Variants in PTPRN2 observed in about 807,000 individuals in gnomAD.
The protein encoded by PTPRN2 is receptor-type tyrosine-protein phosphatase N2.
In PTPRN2, 74 loss-of-function variants were observed where a neutral mutation model predicts 118.8. That is an observed-to-expected ratio of 0.62 (90% confidence interval 0.52 to 0.76). PTPRN2 has a LOEUF of 0.76. PTPRN2 is among the 30% of genes least tolerant of loss of function. PTPRN2 has a pLI of 0.00. For missense variants in PTPRN2, 1,481 were observed against 1,394.4 expected (o/e 1.06, Z -0.99); for synonymous variants, 641 against 608.0 (o/e 1.05, Z -0.80).
intron 2 of PTPRN2, among the ~76,000 whole-genome samples, chr7:158,336,963 T>A (rs1805694821): frequency 4.0e-5 from 1 of 24,958 alleles, no homozygotes; most frequent in African/African-American, 7.2e-5. Flanking sequence ...ACTCACACTC[T>A]CACCATAAGA....
At chr7:158,487,889 T>C (rs1178020067) in intron 2 of PTPRN2, among the ~76,000 whole-genome samples, 1 of 152,182 alleles carries the variant, frequency 6.6e-6, no homozygotes, top group Non-Finnish European at 1.5e-5. Flanking sequence ...AAATATCATC[T>C]GTTTCTACAA....
chr7:157,972,087 A>T (rs776914164), intron 11 of PTPRN2, among the ~76,000 whole-genome samples: 10 of 152,218 alleles, frequency 6.6e-5, no homozygotes, highest in Non-Finnish European at 1.5e-4. Flanking sequence ...TCAGCAGCAG[A>T]ATTTTTCTCC....
chr7:158,552,255 T>C (rs567798870), intron 1 of PTPRN2, among the ~76,000 whole-genome samples: 2 of 151,064 alleles, frequency 1.3e-5, no homozygotes, highest in Non-Finnish European at 3.0e-5. Flanking sequence ...ACCCATTGCA[T>C]CAAGGTGGGT....
intron 11 of PTPRN2, among the ~76,000 whole-genome samples, chr7:158,010,896 C>A (rs906770489): frequency 3.3e-5 from 5 of 152,246 alleles, no homozygotes; most frequent in African/African-American, 4.8e-5. Context: ...CTGCTCCCCC[C>A]ACTCCAGATG....
chr7:158,235,994 A>C (rs1829509267), intron 3 of PTPRN2, among the ~76,000 whole-genome samples: 1 of 152,152 alleles, frequency 6.6e-6, no homozygotes. Flanking sequence ...TTAGCATTCT[A>C]GGACACGGAG....
intron 21 of PTPRN2, among the ~76,000 whole-genome samples, chr7:157,561,453 G>A (rs931670414): frequency 3.9e-5 from 6 of 152,228 alleles, no homozygotes; most frequent in Non-Finnish European, 7.3e-5. Flanking sequence ...TCTGTCCCTG[G>A]AGCCCTGGAA....
chr7:158,496,345 C>A (rs866892484), intron 1 of PTPRN2, among the ~76,000 whole-genome samples: 1 of 80,752 alleles, frequency 1.2e-5, no homozygotes, highest in Admixed American at 1.3e-4. Context: ...CTTCCCTGTG[C>A]CCCCTTCCCT....
chr7:158,223,819 A>G (rs1183393511), intron 3 of PTPRN2, among the ~76,000 whole-genome samples: 1 of 152,086 alleles, frequency 6.6e-6, no homozygotes, highest in African/African-American at 2.4e-5. Flanking sequence ...CCAGTGCAAT[A>G]GGGCAAGATA....
chr7:157,767,613 C>T (rs889220710), intron 12 of PTPRN2, among the ~76,000 whole-genome samples: 4 of 152,230 alleles, frequency 2.6e-5, no homozygotes, highest in Non-Finnish European at 2.9e-5. Flanking sequence ...CCAGGGCGAC[C>T]GCTCTTTCAC....
chr7:157,658,922 C>G (rs1018599954), intron 13 of PTPRN2, among the ~76,000 whole-genome samples: 1 of 152,252 alleles, frequency 6.6e-6, no homozygotes, highest in Admixed American at 6.5e-5. Flanking sequence ...TCGCTCCCCA[C>G]AGCCGTGTGC....
chr7:158,053,702 C>T (rs986621258), intron 11 of PTPRN2, among the ~76,000 whole-genome samples: 2 of 149,300 alleles, frequency 1.3e-5, no homozygotes, highest in Middle Eastern at 3.4e-3. Context: ...ATGCAGAGAC[C>T]CCAGAGATGC....
chr7:157,947,194 A>G (rs1800540522), intron 11 of PTPRN2, among the ~76,000 whole-genome samples: 1 of 134,748 alleles, frequency 7.4e-6, no homozygotes, highest in Admixed American at 7.8e-5. Flanking sequence ...TGGGCCAAAG[A>G]CTCCATCAGG....
intron 2 of PTPRN2, among the ~76,000 whole-genome samples, chr7:158,330,692 C>A (rs140255354): frequency 0.14 from 14,830 of 107,062 alleles, 3,959 homozygotes; most frequent in Non-Finnish European, 0.22. Context: ...AAAGAGGTCA[C>A]TCACATCCAT....
At chr7:158,440,710 G>A (rs1816943248) in intron 2 of PTPRN2, among the ~76,000 whole-genome samples, 1 of 147,740 alleles carries the variant, frequency 6.8e-6, no homozygotes, top group African/African-American at 2.5e-5. Flanking sequence ...GGGGTGGATA[G>A]TAGTGGTGAA....
intron 3 of PTPRN2, among the ~76,000 whole-genome samples, chr7:158,223,521 T>C (rs188601333): frequency 9.1e-4 from 139 of 152,124 alleles, no homozygotes; most frequent in African/African-American, 3.1e-3. Flanking sequence ...TCAAAACAAA[T>C]CAATGTAATC....
intron 12 of PTPRN2, among the ~76,000 whole-genome samples, chr7:157,834,101 C>G (rs1807771845): frequency 6.6e-6 from 1 of 151,786 alleles, no homozygotes; most frequent in Non-Finnish European, 1.5e-5. Flanking sequence ...TCAATTCCAC[C>G]CACCAATCAG....
intron 12 of PTPRN2, among the ~76,000 whole-genome samples, chr7:157,692,062 A>G (rs1797528751): frequency 3.3e-5 from 5 of 152,238 alleles, no homozygotes; most frequent in Admixed American, 3.3e-4. Flanking sequence ...AGGGGGGCGC[A>G]GATCTTGTCA....
At chr7:158,151,989 T>G (rs181804939) in intron 6 of PTPRN2, among the ~76,000 whole-genome samples, 1 of 151,620 alleles carries the variant, frequency 6.6e-6, no homozygotes, top group Admixed American at 6.6e-5. Context: ...CTGGCTAACA[T>G]GGTGAAACCC....
chr7:158,440,201 G>A (rs138404015), intron 2 of PTPRN2, among the ~76,000 whole-genome samples: 1,981 of 152,286 alleles, frequency 0.013, 19 homozygotes, highest in Non-Finnish European at 0.019. Flanking sequence ...GGTAGGCAAA[G>A]TCGCCACCTC....
Sources: gnomAD v4.1 joint callset for allele counts (sites outside exome capture counted in the v4.1 genomes callset) on GRCh38, gnomAD v4.1.1 for gene constraint, MANE v1.5 for transcripts, NCBI Gene and HGNC (gene_info 2026-07-23, HGNC 2026-07-21) for gene names.